The following PDIA2 variants were observed in gnomAD, a reference collection of about 807,000 sequenced individuals.
PDIA2 encodes the protein protein disulfide-isomerase A2.
Under a neutral mutation model 51.1 loss-of-function variants are expected in PDIA2, and 76 were observed. The observed-to-expected ratio is 1.49, with a 90% CI of 1.24 to 1.80. The LOEUF is 1.80. Among genes scored for constraint, PDIA2 ranks in the 40% most tolerant of loss-of-function variants. The pLI is 0.00. For synonymous variants in PDIA2, 429 were observed against 309.9 expected (o/e 1.38, Z -4.04); for missense variants, 946 against 706.5 (o/e 1.34, Z -3.84).
At position 286,588 on chromosome 16, in the gene PDIA2, C is replaced by T. The variant is rs998197566; in HGVS notation, c.1275C>T (p.Ala425=). ...GGTGCACCCACTGCAAGGAGATGGC[C>T]CCTGCCTGGGAGGCATTGGCTGAGA... ...APWCTHCKEM[A]PAWEALAEKY... is the part of the protein sequence containing the mutation. The change falls in exon 9 of 11, where the codon GCC becomes GCT. Residue 425 remains alanine, a synonymous_variant. Transcript: ENST00000219406. 1.2e-6 allele frequency: 2 copies of T among 1,612,912 alleles called. No individual in the cohort carries two copies. The highest frequency in any genetic ancestry group is 1.7e-5 in the Admixed American group (1 of 60,010).
chr16:285,766 G>T, intron 7 of PDIA2, 63 bp downstream of exon 7: 1 of 1,541,274 alleles, frequency 6.5e-7, no homozygotes, highest in East Asian at 2.4e-5. Context: ...GCTTGGCAGG[G>T]GGTGGGAACA....
Position 287,193 on chromosome 16 carries a change from T to TAA in PDIA2, c.*82_*83dup, listed in dbSNP as rs914733168. 4.5e-6 allele frequency: 7 copies of TAA among 1,568,064 alleles called. No individual in the cohort carries two copies. The highest frequency in any genetic ancestry group is 4.5e-5 in the East Asian group (2 of 44,614). ...ACCAGAGGGAGCTGTGCATTGTGAA[T>TAA]AAAGAGTGAGCTTGGTTCTGGACTC... On this transcript the variant is annotated 3_prime_UTR_variant, in exon 11 of 11. Transcript: ENST00000219406.
intron 8 of PDIA2, 23 bp downstream of exon 8, chr16:286,496 G>A: frequency 6.2e-7 from 1 of 1,613,214 alleles, no homozygotes; most frequent in Non-Finnish European, 8.5e-7. Context: ...GGAGGCAGGG[G>A]TGGTGTGGGC....
In PDIA2 at chr16:285,885, C is replaced by A. The variant is rs1377886354; in HGVS notation, c.1119+182C>A. Among the ~76,000 whole-genome samples the A allele has an allele frequency of 2.0e-4, 24 of 121,474 alleles. 1 individual carries two copies. The highest frequency in any genetic ancestry group is 7.5e-4 in the African/African-American group (24 of 31,892). 79.7% of individuals were successfully genotyped at this position (121,474 alleles called of 152,430 possible). On this transcript the variant is annotated intron_variant, in intron 7 of 10. Transcript: ENST00000219406. ...AACCCCAACCCGGCGGTTCTCCCAA[C>A]CCCAAACCCGCGGTTCTCCCAACCC...
In PDIA2 at chr16:287,058, A is replaced by C. The variant is rs1252624113; in HGVS notation, c.1534-11A>C. On this transcript the variant is annotated splice_polypyrimidine_tract_variant and intron_variant, in intron 10 of 10. Coordinates refer to ENST00000219406, the MANE Select transcript of PDIA2 (RefSeq NM_006849.4). ...AGCAGAGCTTCGAGCTGCACTTGTG[A>C]CCCTTTCTAGGAGCCACCGGCCAAC... 1.2e-6 allele frequency: 2 copies of C among 1,612,326 alleles called. No homozygotes were observed. The highest frequency in any genetic ancestry group is 2.2e-5 in the East Asian group (1 of 44,884).
At chr16:283,524 G>T (rs1226255231) in intron 1 of PDIA2, among the ~76,000 whole-genome samples, 156 bp downstream of exon 1, 4 of 152,220 alleles carry the variant, frequency 2.6e-5, no homozygotes. Flanking sequence ...TCTAGGAGGG[G>T]CCTGGGGGTC....
rs370354594 is a variant in PDIA2, at chr16:286,412, C to G, written c.1179C>G (p.Leu393=). 4.3e-6 allele frequency: 7 copies of G among 1,612,304 alleles called. No individual in the cohort carries two copies. The highest frequency in any genetic ancestry group is 1.3e-5 in the African/African-American group (1 of 74,566). ...GGGATCAGCGGCCAGTTAAGACCCT[C>G]GTGGGCAAGAATTTTGAGCAGGTGG... is the stretch of plus-strand genomic sequence containing the variant. ...PDWDQRPVKT[L]VGKNFEQVAF... is the part of the protein sequence containing the mutation. The change falls in exon 8 of 11, where the codon CTC becomes CTG. Residue 393 remains leucine, a synonymous_variant. Coordinates refer to ENST00000219406, the MANE Select transcript of PDIA2 (RefSeq NM_006849.4).
chr16:285,188 G>C lies in PDIA2; in HGVS notation c.783G>C (p.Glu261Asp). The C allele has an allele frequency of 6.2e-7, 1 of 1,612,878 alleles. No individual in the cohort carries two copies. The highest frequency in any genetic ancestry group is 8.5e-7 in the Non-Finnish European group (1 of 1,179,982). ...CACACAGCATGCGCCTGGTCACGGAGTTCAACAGCCAGGTGCGTAGGCTGC... is the reference window on the plus strand; with the variant it reads ...CACACAGCATGCGCCTGGTCACGGACTTCAACAGCCAGGTGCGTAGGCTGC... ...LVTHSMRLVT[E>D]FNSQTSAKIF... Residue 261 changes from glutamate to aspartate, a missense_variant, in exon 5 of 11, where the codon GAG (glutamate) becomes GAC (aspartate). By Grantham distance (45) the Glu-to-Asp change is conservative. Coordinates refer to ENST00000219406, the MANE Select transcript of PDIA2 (RefSeq NM_006849.4).
Position 284,511 on chromosome 16 carries a change from G to C in PDIA2, c.324G>C (p.Leu108=). The change falls in exon 2 of 11, where the codon CTG becomes CTC. Residue 108 remains leucine (L), a synonymous_variant. Transcript: ENST00000219406. ...TGGATGGGCCCGCGCAGCGCGAGCT[G>C]GCTGAGGAGTTTGGTGTGACGGAGT... The part of the protein sequence containing the change: ...AKVDGPAQRE[L]AEEFGVTEYP... 1 of 1,612,168 alleles carries C rather than the reference G, an allele frequency of 6.2e-7. No individual in the cohort carries two copies. The highest frequency in any genetic ancestry group is 8.5e-7 in the Non-Finnish European group (1 of 1,179,554).
rs767328855 is a variant in PDIA2 at position 284,773 on chromosome 16, T to G, written c.521T>G (p.Val174Gly). ...AQALIGGRDL[V>G]VIGFFQDLQD... ...GCGCTGATCGGTGGCCGGGACCTAG[T>G]GGTCATTGGCTTCTTCCAGGTGAGC... is the stretch of plus-strand genomic sequence containing the variant. Residue 174 changes from valine (V) to glycine (G), a missense_variant, in exon 3 of 11, where the codon GTG (valine) becomes GGG (glycine). Physicochemically the swap from Val to Gly is moderately radical, Grantham distance 109. Coordinates refer to ENST00000219406, the MANE Select transcript of PDIA2 (RefSeq NM_006849.4). 77 of 1,568,390 alleles carry G rather than the reference T, an allele frequency of 4.9e-5. No individual in the cohort carries two copies. The highest frequency in any genetic ancestry group is 6.5e-5 in the Non-Finnish European group (75 of 1,161,374).
chr16:285,972 CCCCGCGGTTCTCCCAACCCCGCGGTTCT>C (rs1567250938), intron 7 of PDIA2, among the ~76,000 whole-genome samples: 16 of 84,340 alleles, frequency 1.9e-4, no homozygotes, highest in African/African-American at 3.4e-4. Flanking sequence ...GTTCTCCCAA[CCCCGCGGTTCTCCCAACCCCGCGGTTCT>C]CCCAACCCCA....
At position 286,492 on chromosome 16, in the gene PDIA2, A is replaced by G. The variant is rs961916595; in HGVS notation, c.1240+19A>G. The G allele has an allele frequency of 6.2e-7, 1 of 1,613,072 alleles. No individual in the cohort carries two copies. The highest frequency in any genetic ancestry group is 8.5e-7 in the Non-Finnish European group (1 of 1,179,852). The stretch of plus-strand genomic sequence containing the variant: ...AAGTTCTGTGAGTGTTGAGGGAGGC[A>G]GGGGTGGTGTGGGCTGGGCAGGGGC... On this transcript the variant is annotated intron_variant, in intron 8 of 10. Coordinates refer to ENST00000219406, the MANE Select transcript of PDIA2 (RefSeq NM_006849.4).
At position 286,565 on chromosome 16, in the gene PDIA2, T is replaced by A. The variant is rs765872416; in HGVS notation, c.1252T>A (p.Cys418Ser). 1.2e-6 allele frequency: 2 copies of A among 1,612,162 alleles called. No homozygotes were observed. The highest frequency in any genetic ancestry group is 1.7e-6 in the Non-Finnish European group (2 of 1,179,820). The change falls in exon 9 of 11, where the codon TGC becomes AGC. Residue 418 changes from cysteine to serine, a missense_variant. Cys to Ser is a moderately radical substitution (Grantham distance 112, BLOSUM62 -1). Coordinates refer to ENST00000219406, the MANE Select transcript of PDIA2 (RefSeq NM_006849.4). ...GGCTCCCATCCTAGATGCCCCGTGG[T>A]GCACCCACTGCAAGGAGATGGCCCC... ...NVFVKFYAPWCTHCKEMAPAW... is the reference protein window; with the variant it reads ...NVFVKFYAPWSTHCKEMAPAW...
rs994241829 is a variant in PDIA2 at position 284,107 on chromosome 16, A to C, written c.200-280A>C. ...GGTCTCGAACTCCCAACCTCAGGTG[A>C]TATGCCCGCCTCTGCCTCCCAAAGT... On this transcript the variant is annotated intron_variant, in intron 1 of 10. Coordinates refer to ENST00000219406, the MANE Select transcript of PDIA2 (RefSeq NM_006849.4). 13 of 515,658 alleles carry C rather than the reference A, an allele frequency of 2.5e-5. No homozygotes were observed. The South Asian group carries it at 2.7e-4, about 11-fold the overall frequency. 31.9% of individuals were successfully genotyped at this position (515,658 alleles called of 1,614,324 possible). A position where few individuals can be genotyped will look rare whatever the true frequency, so the allele number is the denominator to read the frequency against.
rs531227496 is a variant in PDIA2 at position 284,424 on chromosome 16, C to T, written c.237C>T (p.Pro79=). 82 of 1,582,428 alleles carry T rather than the reference C, an allele frequency of 5.2e-5. 1 individual carries two copies. The highest frequency in any genetic ancestry group is 3.1e-4 in the South Asian group (27 of 87,174). The change falls in exon 2 of 11, where the codon CCC becomes CCT. Residue 79 remains proline, a synonymous_variant. Transcript: ENST00000219406. Reference sequence around the variant, plus strand: ...GTGGGCACTGCCAGGCCCTGGCCCCCGAGTACAGCAAGGCAGCTGCCGTGC... The same window carrying T: ...GTGGGCACTGCCAGGCCCTGGCCCCTGAGTACAGCAAGGCAGCTGCCGTGC... The part of the protein sequence containing the change: ...PWCGHCQALA[P]EYSKAAAVLA...
chr16:286,410 C>T lies in PDIA2; in HGVS notation c.1177C>T (p.Leu393Phe), dbSNP rs778970931. The T allele has an allele frequency of 8.7e-6, 14 of 1,612,328 alleles. No homozygotes were observed. The highest frequency in any genetic ancestry group is 1.3e-5 in the African/African-American group (1 of 74,572). Residue 393 changes from leucine to phenylalanine, a missense_variant, in exon 8 of 11, where the codon CTC becomes TTC. Physicochemically the swap from Leu to Phe is conservative, Grantham distance 22 (BLOSUM62 0). Coordinates refer to ENST00000219406, the MANE Select transcript of PDIA2 (RefSeq NM_006849.4). Reference sequence around the variant, plus strand: ...TTGGGATCAGCGGCCAGTTAAGACCCTCGTGGGCAAGAATTTTGAGCAGGT... The same window carrying T: ...TTGGGATCAGCGGCCAGTTAAGACCTTCGTGGGCAAGAATTTTGAGCAGGT... ...PDWDQRPVKT[L>F]VGKNFEQVAF...
At position 286,679 on chromosome 16, in the gene PDIA2, T is replaced by C. The variant is rs2052386138; in HGVS notation, c.1366T>C (p.Phe456Leu). Residue 456 changes from phenylalanine to leucine, a missense_variant, in exon 9 of 11, where the codon TTC (phenylalanine) becomes CTC (leucine). By Grantham distance (22) the Phe-to-Leu change is conservative (BLOSUM62 0). Coordinates refer to ENST00000219406, the MANE Select transcript of PDIA2 (RefSeq NM_006849.4). ...LDATANELDA[F>L]AVHGFPTLKY... ...TGCCACGGCCAACGAGCTGGATGCCTTCGCTGTGCACGGCTTCCCTACTCT... is the reference window on the plus strand; with the variant it reads ...TGCCACGGCCAACGAGCTGGATGCCCTCGCTGTGCACGGCTTCCCTACTCT... 1.2e-6 allele frequency: 2 copies of C among 1,612,288 alleles called. No homozygotes were observed. Among genetic ancestry groups the C allele is most frequent in the East Asian group, 2.2e-5 (1 of 44,870 alleles).
chr16:283,543 G>A (rs954062426), intron 1 of PDIA2, among the ~76,000 whole-genome samples, 175 bp downstream of exon 1: 3 of 152,218 alleles, frequency 2.0e-5, no homozygotes, highest in African/African-American at 7.2e-5. Context: ...TCTGGTTGGG[G>A]CAGGCAGGAG....
rs2052345945 is a variant in PDIA2 at position 285,613 on chromosome 16, C to T, written c.1029C>T (p.Thr343=). The T allele has an allele frequency of 6.2e-7, 1 of 1,613,388 alleles. No homozygotes were observed. Among genetic ancestry groups the T allele is most frequent in the Non-Finnish European group, 8.5e-7 (1 of 1,179,960 alleles). ...APTLRLVNLE[T]TKKYAPVDGG... is the part of the protein sequence containing the mutation. The stretch of plus-strand genomic sequence containing the variant: ...CTCTGCGCTTGGTCAACCTTGAAAC[C>T]ACTAAGAAGTATGCGCCTGTGGATG... Residue 343 remains threonine, a synonymous_variant, in exon 7 of 11, where the codon ACC becomes ACT. Coordinates refer to ENST00000219406, the MANE Select transcript of PDIA2 (RefSeq NM_006849.4).
Sources: allele counts gnomAD v4.1 joint callset (sites outside exome capture counted in the v4.1 genomes callset), GRCh38; gene constraint gnomAD v4.1.1; transcripts MANE v1.5; gene names NCBI Gene and HGNC (gene_info 2026-07-23, HGNC 2026-07-21).